Variants in STARD13 observed in about 807,000 individuals in gnomAD.
The protein encoded by STARD13 is StAR related lipid transfer domain containing 13, also known as stAR-related lipid transfer protein 13.
In STARD13, 62 loss-of-function variants were observed where a neutral mutation model predicts 106.4. The observed-to-expected ratio is 0.58, with a 90% CI of 0.48 to 0.72. The LOEUF is 0.72. STARD13 is among the 30% of genes least tolerant of loss of function. The pLI is 0.00. For synonymous variants in STARD13, 565 were observed against 553.0 expected, an observed-to-expected ratio of 1.02 and a Z score of -0.31; for missense variants, 1,387 against 1,424.0, an observed-to-expected ratio of 0.97 and a Z score of 0.42.
chr13:33,527,256 T>G, the STARD13 span, among the ~76,000 whole-genome samples: 6 of 152,036 alleles, frequency 3.9e-5, no homozygotes, highest in East Asian at 1.2e-3. Flanking sequence ...ACTTACTTTT[T>G]GTAGTTCATA....
chr13:33,529,229 T>C, the STARD13 span, among the ~76,000 whole-genome samples: 3 of 152,160 alleles, frequency 2.0e-5, no homozygotes, highest in African/African-American at 7.2e-5. Context: ...AAATATCTCT[T>C]CCAAATCCCA....
chr13:33,388,290 C>T, the STARD13 span, among the ~76,000 whole-genome samples: 13 of 152,156 alleles, frequency 8.5e-5, no homozygotes, highest in African/African-American at 3.1e-4. Flanking sequence ...CAAAAACGAC[C>T]AGGTTTAGAG....
chr13:33,357,242 A>G, the STARD13 span, among the ~76,000 whole-genome samples: 7,100 of 152,294 alleles, frequency 0.047, 257 homozygotes, highest in Non-Finnish European at 0.074. Flanking sequence ...TGGTGTGGAC[A>G]CTTGAAAGGG....
At chr13:33,367,808 T>C in the STARD13 span, among the ~76,000 whole-genome samples, 1 of 152,116 alleles carries the variant, frequency 6.6e-6, no homozygotes, top group South Asian at 2.1e-4. Flanking sequence ...TTCCTGCCTG[T>C]ATCCAATATT....
the STARD13 span, among the ~76,000 whole-genome samples, chr13:33,424,644 C>T: frequency 6.6e-6 from 1 of 152,086 alleles, no homozygotes; most frequent in Non-Finnish European, 1.5e-5. Context: ...CTGGCAGCGT[C>T]CGGGGGCAGT....
intron 1 of STARD13, among the ~76,000 whole-genome samples, chr13:33,250,446 C>A (rs190829917): frequency 1.3e-5 from 2 of 152,300 alleles, no homozygotes; most frequent in African/African-American, 4.8e-5. Flanking sequence ...ACCAATGTCT[C>A]CCTTAAAACA....
chr13:33,354,285 AT>A (rs2078106163), upstream of STARD13, among the ~76,000 whole-genome samples: 7 of 152,326 alleles, frequency 4.6e-5, no homozygotes, highest in South Asian at 1.2e-3. Context: ...GTCTTTATAC[AT>A]TAGCTGTTCT....
the STARD13 span, among the ~76,000 whole-genome samples, chr13:33,442,827 T>C: frequency 6.6e-6 from 1 of 152,196 alleles, no homozygotes; most frequent in Admixed American, 6.5e-5. Flanking sequence ...CCATTTTCCA[T>C]AATATATTAA....
Position 33,129,545 on chromosome 13 carries a change from C to A in STARD13, c.1132G>T (p.Ala378Ser), listed in dbSNP as rs1423034762. The stretch of plus-strand genomic sequence containing the variant: ...TCATGCATACGGCTTTGGTCCCCTG[C>A]ATCCGGCAGTGCTGTCCCCGCCAGC... ...DVLAGTALPD[A>S]GDQSRMHEFH... is the part of the protein sequence containing the mutation. Residue 378 changes from alanine to serine, a missense_variant, in exon 5 of 14, where the codon GCA becomes TCA. Coordinates refer to ENST00000336934, the MANE Select transcript of STARD13 (RefSeq NM_178006.4). 6.2e-7 allele frequency: 1 copy of A among 1,614,080 alleles called. No homozygotes were observed. The highest frequency in any genetic ancestry group is 1.7e-5 in the Admixed American group (1 of 60,008).
intron 1 of STARD13, chr13:33,272,433 A>G (rs1159155242): frequency 6.6e-6 from 1 of 152,188 alleles, no homozygotes; most frequent in Non-Finnish European, 1.5e-5. Flanking sequence ...AAATGTAAAC[A>G]TTTCAAAGGC....
At chr13:33,583,773 C>T in the STARD13 span, among the ~76,000 whole-genome samples, 6 of 152,140 alleles carry the variant, frequency 3.9e-5, no homozygotes, top group African/African-American at 1.2e-4. Flanking sequence ...AGAATCTATC[C>T]GCAGTCCATG....
intron 1 of STARD13, chr13:33,280,976 T>C (rs1891746272): frequency 6.6e-6 from 1 of 152,182 alleles, no homozygotes; most frequent in Non-Finnish European, 1.5e-5. Flanking sequence ...TGTAGAACAA[T>C]TGTAAGCCAC....
Position 33,129,044 on chromosome 13 carries a change from G to C in STARD13, c.1633C>G (p.Arg545Gly), listed in dbSNP as rs758941461. 1.2e-6 allele frequency: 2 copies of C among 1,614,012 alleles called. No homozygotes were observed. Among genetic ancestry groups the C allele is most frequent in the Non-Finnish European group, 1.7e-6 (2 of 1,180,020 alleles). The change falls in exon 5 of 14, where the codon CGG becomes GGG. Residue 545 changes from arginine (R) to glycine (G), a missense_variant. Coordinates refer to ENST00000336934, the MANE Select transcript of STARD13 (RefSeq NM_178006.4). ...DFEGNSVSEG[R>G]TTPSDVERDV... ...CTTTCCACATCACTGGGTGTCGTCC[G>C]ACCTTCTGAGACAGAGTTACCTTCA...
At chr13:33,354,401 G>A (rs1053300579), upstream of STARD13, among the ~76,000 whole-genome samples, 1 of 152,182 alleles carries the variant, frequency 6.6e-6, no homozygotes. Flanking sequence ...AAATCCCAGT[G>A]GCTGGATGGA....
At chr13:33,258,807 G>A (rs770566171) in intron 1 of STARD13, among the ~76,000 whole-genome samples, 1 of 152,146 alleles carries the variant, frequency 6.6e-6, no homozygotes, top group Admixed American at 6.5e-5. Context: ...CAGAAAACAA[G>A]GTTTCTCCTT....
At chr13:33,528,265 T>TATATATATGTATATATATATATATAC in the STARD13 span, among the ~76,000 whole-genome samples, 1 of 131,546 alleles carries the variant, frequency 7.6e-6, no homozygotes, top group African/African-American at 3.2e-5. Context: ...TACATATATA[T>TATATATATGTATATATATATATATAC]ATATATATAC....
intron 1 of STARD13, among the ~76,000 whole-genome samples, chr13:33,326,878 C>A (rs1300898526): frequency 6.6e-6 from 1 of 152,176 alleles, no homozygotes; most frequent in African/African-American, 2.4e-5. Context: ...GCAGCAAAAA[C>A]CATGCTGTTC....
At chr13:33,351,007 C>A (rs1035749642), upstream of STARD13, among the ~76,000 whole-genome samples, 4 of 152,056 alleles carry the variant, frequency 2.6e-5, no homozygotes, top group Non-Finnish European at 5.9e-5. Context: ...TCCCAGTTTC[C>A]CTAAATTCAA....
chr13:33,643,922 C>T, the STARD13 span, among the ~76,000 whole-genome samples: 5 of 152,242 alleles, frequency 3.3e-5, no homozygotes, highest in Non-Finnish European at 7.3e-5. Context: ...CCAGTTTGGA[C>T]ACCTCTTAGC....
Sources: gnomAD v4.1 joint callset for allele counts (sites outside exome capture counted in the v4.1 genomes callset) on GRCh38, gnomAD v4.1.1 for gene constraint, MANE v1.5 for transcripts, NCBI Gene and HGNC (gene_info 2026-07-23, HGNC 2026-07-21) for gene names.